CDKL5: variants seen among roughly 807,000 people sequenced by gnomAD.
CDKL5 encodes the protein cyclin-dependent kinase-like 5.
Under a neutral mutation model 61.7 loss-of-function variants are expected in CDKL5, and 8 were observed. The ratio of observed to expected loss-of-function variants is 0.13; its 90% CI spans 0.08 to 0.23. CDKL5 has a LOEUF of 0.23. Ranked by LOEUF, CDKL5 falls within the 10% of genes least tolerant of loss-of-function variation. The probability of loss-of-function intolerance (pLI) is 1.00; values close to 1 mark genes in which losing one functional copy is unlikely to be tolerated. For missense variants in CDKL5, 440 were observed against 734.5 expected (o/e 0.60, Z 4.63); for synonymous variants, 275 against 272.3 (o/e 1.01, Z -0.10).
At chrX:18,532,609 T>C (rs746526852) in intron 3 of CDKL5, among the ~76,000 whole-genome samples, 1 of 112,149 alleles carries the variant, frequency 8.9e-6, no homozygotes, top group South Asian at 3.7e-4. Flanking sequence ...AATTATAAAC[T>C]ACAGATCGTG....
At chrX:18,461,243 G>A (rs1469198969) in intron 1 of CDKL5, among the ~76,000 whole-genome samples, 1 of 111,913 alleles carries the variant, frequency 8.9e-6, no homozygotes, top group East Asian at 2.8e-4. Context: ...GAAGTTGCTG[G>A]GCCACAGCAT....
chrX:18,578,094 A>G (rs1051751208), intron 5 of CDKL5, among the ~76,000 whole-genome samples: 1 of 111,884 alleles, frequency 8.9e-6, no homozygotes, highest in Non-Finnish European at 1.9e-5. Context: ...CAAATGTGCA[A>G]AAACATCTGC....
chrX:18,630,782 T>G lies in CDKL5; in HGVS notation c.*2025T>G. 1 of 752,239 alleles carries G rather than the reference T, an allele frequency of 1.3e-6. No homozygotes were observed. The highest frequency in any genetic ancestry group is 1.6e-6 in the Non-Finnish European group (1 of 638,739). The allele number at this position is 752,239 out of a possible 1,213,427, so 62.0% of individuals were successfully genotyped here. ...AATAGTTTTGCATGCTCTTTAGTTC[T>G]TTTTCTGTCTTACTTCTTTCACCAG... On this transcript the variant is annotated 3_prime_UTR_variant, in exon 18 of 18. Transcript: ENST00000623535.
chrX:18,633,000 C>T lies in CDKL5; in HGVS notation c.*4243C>T. 1 of 754,087 alleles carries T rather than the reference C, an allele frequency of 1.3e-6. No homozygotes were observed. The highest frequency in any genetic ancestry group is 1.6e-6 in the Non-Finnish European group (1 of 639,139). 62.1% of individuals were successfully genotyped at this position (754,087 alleles called of 1,213,427 possible). On this transcript the variant is annotated 3_prime_UTR_variant, in exon 18 of 18. Transcript: ENST00000623535. ...GAAAGATCTGTCTATTTCTGTTCAC[C>T]TGGGACCTGGTGGTGACTGAACTCT...
chrX:18,652,635 C>T (rs762709688), intron 21 of CDKL5, among the ~76,000 whole-genome samples: 9 of 109,870 alleles, frequency 8.2e-5, no homozygotes, highest in Non-Finnish European at 1.1e-4. Flanking sequence ...TGCCACTGCA[C>T]TCCAGCTTGG....
intron 2 of CDKL5, among the ~76,000 whole-genome samples, chrX:18,507,446 CTTT>C (rs200439467): frequency 2.8e-5 from 2 of 72,373 alleles, no homozygotes; most frequent in African/African-American, 5.2e-5. Context: ...TGCCTTCATT[CTTT>C]TTTTTTTTTT....
At chrX:18,447,376 C>T (rs764180883) in intron 1 of CDKL5, among the ~76,000 whole-genome samples, 3 of 111,561 alleles carry the variant, frequency 2.7e-5, no homozygotes, top group African/African-American at 9.8e-5. Context: ...CCTCTCCTAG[C>T]TACCTAACTT....
At chrX:18,528,700 CAT>C (rs1224579592) in intron 3 of CDKL5, among the ~76,000 whole-genome samples, 2 of 111,442 alleles carry the variant, frequency 1.8e-5, no homozygotes, top group East Asian at 5.6e-4. Flanking sequence ...GTGGCACAAT[CAT>C]GGTTCACTGC....
At chrX:18,618,323 T>C (rs1314737475) in intron 15 of CDKL5, among the ~76,000 whole-genome samples, 1 of 111,989 alleles carries the variant, frequency 8.9e-6, no homozygotes, top group African/African-American at 3.2e-5. Flanking sequence ...TGGAACGACA[T>C]AGCTTTTTCA....
At chrX:18,453,758 A>T (rs1477332509) in intron 1 of CDKL5, among the ~76,000 whole-genome samples, 2 of 111,221 alleles carry the variant, frequency 1.8e-5, no homozygotes, top group Admixed American at 9.7e-5. Flanking sequence ...TTTCTCCTCC[A>T]TTAAGGTATA....
chrX:18,602,412 A>G (rs1203229833), intron 11 of CDKL5, among the ~76,000 whole-genome samples: 2 of 112,199 alleles, frequency 1.8e-5, no homozygotes, highest in African/African-American at 3.2e-5. Flanking sequence ...ATCTGGGGAT[A>G]GACTCTGTTA....
At chrX:18,502,507 G>A (rs1464973280) in intron 1 of CDKL5, among the ~76,000 whole-genome samples, 1 of 111,266 alleles carries the variant, frequency 9.0e-6, no homozygotes, top group Non-Finnish European at 1.9e-5. Flanking sequence ...TATCAGGAGG[G>A]GAGGTCAAGG....
downstream of CDKL5, chrX:18,641,617 T>C: frequency 5.4e-6 from 1 of 183,972 alleles, no homozygotes; most frequent in East Asian, 1.4e-4. Context: ...AAACTGTATG[T>C]TTCTGTCTTG....
chrX:18,610,751 G>T (rs1196278905), intron 14 of CDKL5, among the ~76,000 whole-genome samples: 1 of 112,448 alleles, frequency 8.9e-6, no homozygotes, highest in Non-Finnish European at 1.9e-5. Context: ...AAGCCCTTGG[G>T]CATTCCAACA....
chrX:18,527,351 G>C (rs1480741552), intron 3 of CDKL5, among the ~76,000 whole-genome samples: 1 of 111,850 alleles, frequency 8.9e-6, no homozygotes, highest in Non-Finnish European at 1.9e-5. Flanking sequence ...GAATTCACCA[G>C]TGAAACCATG....
intron 5 of CDKL5, among the ~76,000 whole-genome samples, chrX:18,576,773 T>C (rs1041520900): frequency 3.6e-5 from 4 of 109,791 alleles, no homozygotes; most frequent in African/African-American, 6.6e-5. Context: ...TACATTCCTC[T>C]AAGGTACCTT....
At chrX:18,591,660 G>C (rs1925834560) in intron 9 of CDKL5, among the ~76,000 whole-genome samples, 1 of 111,584 alleles carries the variant, frequency 9.0e-6, no homozygotes, top group Admixed American at 9.6e-5. Context: ...CTCCCCGCTA[G>C]CCCAGTTTGT....
At chrX:18,522,694 T>A (rs967327432) in intron 3 of CDKL5, among the ~76,000 whole-genome samples, 12 of 110,867 alleles carry the variant, frequency 1.1e-4, no homozygotes, top group Admixed American at 7.7e-4. Context: ...AGAAATTTTT[T>A]AAAGATTTTT....
At chrX:18,436,323 A>C (rs1230589170) in intron 1 of CDKL5, among the ~76,000 whole-genome samples, 4 of 110,160 alleles carry the variant, frequency 3.6e-5, no homozygotes, top group Non-Finnish European at 7.6e-5. Context: ...AGGGAGGCAC[A>C]CTCAGTGTAA....
Sources: gnomAD v4.1 joint callset for allele counts (sites outside exome capture counted in the v4.1 genomes callset) on GRCh38, gnomAD v4.1.1 for gene constraint, MANE v1.5 for transcripts, NCBI Gene and HGNC (gene_info 2026-07-23, HGNC 2026-07-21) for gene names.